Variants in TENM1 observed in about 807,000 individuals in gnomAD.
The protein encoded by TENM1 is teneurin transmembrane protein 1, also known as teneurin-1.
A neutral mutation model predicts 174.8 loss-of-function variants in TENM1; 35 were observed. The ratio of observed to expected loss-of-function variants is 0.20; its 90% CI spans 0.15 to 0.27. The LOEUF (loss-of-function observed/expected upper bound fraction) is 0.27. Among genes scored for constraint, TENM1 ranks in the 10% least tolerant of loss-of-function variants. The pLI, the probability that TENM1 is intolerant of heterozygous loss-of-function variation, is 1.00. For missense variants in TENM1, 1,633 were observed against 2,130.1 expected (o/e 0.77, Z 4.59); for synonymous variants, 781 against 798.7 (o/e 0.98, Z 0.37).
intron 22 of TENM1, among the ~76,000 whole-genome samples, chrX:124,460,309 C>G (rs1319538659): frequency 9.0e-6 from 1 of 111,489 alleles, no homozygotes; most frequent in Non-Finnish European, 1.9e-5. Flanking sequence ...TTCACAGTAG[C>G]AAAGACATGG....
At chrX:124,721,357 T>G (rs1173106344) in intron 4 of TENM1, among the ~76,000 whole-genome samples, 1 of 111,739 alleles carries the variant, frequency 8.9e-6, no homozygotes, top group Non-Finnish European at 1.9e-5. Context: ...TTTTCAATTA[T>G]AAAAGATTAA....
the TENM1 span, among the ~76,000 whole-genome samples, chrX:125,098,297 T>C: frequency 8.9e-6 from 1 of 111,786 alleles, no homozygotes; most frequent in African/African-American, 3.3e-5. Context: ...GGTCGTGTTT[T>C]GCTATGTCCT....
intron 13 of TENM1, 131 bp from the exon 17 acceptor site, chrX:124,561,948 A>C: frequency 6.1e-6 from 4 of 659,397 alleles, no homozygotes; most frequent in Non-Finnish European, 8.9e-6. Context: ...TAAATGGAAG[A>C]GGAGCTTGCT....
the TENM1 span, among the ~76,000 whole-genome samples, chrX:125,122,635 T>C: frequency 9.1e-6 from 1 of 110,150 alleles, no homozygotes; most frequent in African/African-American, 3.4e-5. Context: ...ATCCTTTCCA[T>C]GCATTATACT....
At chrX:124,704,873 A>G in intron 5 of TENM1, 140 bp downstream of exon 8, 1 of 471,930 alleles carries the variant, frequency 2.1e-6, no homozygotes, top group Non-Finnish European at 3.7e-6. Flanking sequence ...AAAAAAAAGA[A>G]GAAAATCAAT....
At chrX:124,988,179 T>A in the TENM1 span, among the ~76,000 whole-genome samples, 1 of 111,724 alleles carries the variant, frequency 9.0e-6, no homozygotes, top group Admixed American at 9.6e-5. Flanking sequence ...TAGGATACAT[T>A]CATAGTTATA....
chrX:124,899,740 C>A (rs2147594207), intron 1 of TENM1, among the ~76,000 whole-genome samples: 1 of 111,639 alleles, frequency 9.0e-6, no homozygotes, highest in African/African-American at 3.3e-5. Flanking sequence ...TTTAAGTGGG[C>A]AAAAAGTTTA....
the TENM1 span, among the ~76,000 whole-genome samples, chrX:125,013,609 T>C: frequency 8.9e-6 from 1 of 111,906 alleles, no homozygotes; most frequent in Admixed American, 9.5e-5. Context: ...AATTTGTGTT[T>C]TCCTTCATTT....
the TENM1 span, among the ~76,000 whole-genome samples, chrX:125,203,133 G>A: frequency 8.9e-6 from 1 of 112,987 alleles, no homozygotes; most frequent in African/African-American, 3.2e-5. Flanking sequence ...TGGGGCCCTC[G>A]ACGGCGGCGT....
intron 20 of TENM1, among the ~76,000 whole-genome samples, chrX:124,494,130 T>A (rs1034056593): frequency 9.0e-6 from 1 of 111,596 alleles, no homozygotes; most frequent in East Asian, 2.8e-4. Context: ...GACTTTCACA[T>A]GCTTGTGTGA....
the TENM1 span, among the ~76,000 whole-genome samples, chrX:125,105,500 T>C: frequency 2.7e-5 from 3 of 111,501 alleles, no homozygotes; most frequent in East Asian, 8.5e-4. Flanking sequence ...CAGCTACACT[T>C]TCATACATCT....
At chrX:125,131,093 C>A in the TENM1 span, among the ~76,000 whole-genome samples, 25 of 111,978 alleles carry the variant, frequency 2.2e-4, no homozygotes, top group East Asian at 5.7e-4. Context: ...TAATTCACTT[C>A]ATTTTGACAA....
intron 11 of TENM1, among the ~76,000 whole-genome samples, chrX:124,613,991 T>G (rs781484643): frequency 9.0e-6 from 1 of 111,678 alleles, no homozygotes; most frequent in Non-Finnish European, 1.9e-5. Context: ...TCAGGGCCTA[T>G]GGAGGACTCT....
intron 5 of TENM1, among the ~76,000 whole-genome samples, chrX:124,687,769 A>G (rs1041066856): frequency 8.9e-6 from 1 of 112,262 alleles, no homozygotes; most frequent in African/African-American, 3.2e-5. Context: ...GGCAAAGGAC[A>G]TGAACAAACA....
intron 27 of TENM1, among the ~76,000 whole-genome samples, chrX:124,404,534 T>A (rs1290678735): frequency 9.0e-6 from 1 of 110,560 alleles, no homozygotes; most frequent in Admixed American, 9.6e-5. Context: ...GGATATGTAT[T>A]CATGGCAATG....
At chrX:124,754,899 T>G (rs2054187661) in intron 3 of TENM1, among the ~76,000 whole-genome samples, 1 of 106,281 alleles carries the variant, frequency 9.4e-6, no homozygotes, top group African/African-American at 3.7e-5. Context: ...AGGAGAGCTT[T>G]ACTTCCAACT....
At chrX:124,706,879 C>T (rs1179066262) in intron 4 of TENM1, among the ~76,000 whole-genome samples, 1 of 110,480 alleles carries the variant, frequency 9.1e-6, no homozygotes, top group Non-Finnish European at 1.9e-5. Flanking sequence ...TGCCCAAACT[C>T]ACCTAGCAAG....
At chrX:124,860,845 T>C (rs1406762870) in intron 3 of TENM1, among the ~76,000 whole-genome samples, 1 of 111,919 alleles carries the variant, frequency 8.9e-6, no homozygotes, top group Admixed American at 9.5e-5. Flanking sequence ...ATTATGATTC[T>C]TGGGAGAACG....
the TENM1 span, among the ~76,000 whole-genome samples, chrX:125,134,989 G>A: frequency 9.0e-6 from 1 of 110,659 alleles, no homozygotes; most frequent in Admixed American, 9.7e-5. Flanking sequence ...AAGCAGAGAA[G>A]GTCCTAAACA....
Sources: gnomAD v4.1 joint callset for allele counts (sites outside exome capture counted in the v4.1 genomes callset) on GRCh38, gnomAD v4.1.1 for gene constraint, MANE v1.5 for transcripts, NCBI Gene and HGNC (gene_info 2026-07-23, HGNC 2026-07-21) for gene names.